The following PLEKHA7 variants were observed in gnomAD, a reference collection of about 807,000 sequenced individuals.
The protein encoded by PLEKHA7 is pleckstrin homology domain containing A7.
In PLEKHA7, 104 loss-of-function variants were observed where a neutral mutation model predicts 170.0. The observed-to-expected ratio is 0.61, with a 90% CI of 0.52 to 0.72. PLEKHA7 has a LOEUF of 0.72. Among genes scored for constraint, PLEKHA7 ranks in the 30% least tolerant of loss-of-function variants. The probability of loss-of-function intolerance (pLI) is 0.00; values close to 1 mark genes in which losing one functional copy is unlikely to be tolerated. For missense variants in PLEKHA7, 1,615 were observed against 1,671.7 expected (o/e 0.97, Z 0.59); for synonymous variants, 648 against 660.8 (o/e 0.98, Z 0.30).
Position 17,014,021 on chromosome 11 carries a change from G to C in PLEKHA7, c.189C>G (p.Gly63=). 1 of 1,552,204 alleles carries C rather than the reference G, an allele frequency of 6.4e-7. No homozygotes were observed. Among genetic ancestry groups the C allele is most frequent in the Non-Finnish European group, 8.7e-7 (1 of 1,148,766 alleles). Residue 63 remains glycine, a synonymous_variant, in exon 3 of 27, where the codon GGC becomes GGG. Coordinates refer to ENST00000531066, the MANE Select transcript of PLEKHA7 (RefSeq NM_001329630.2). ...AGTAGCTGGCGCCCTCCTCCGTGAA[G>C]CCCTCCTCCCAGCCGCGGGGCAGGT... ...RSDLPRGWEE[G]FTEEGASYFI... is the part of the protein sequence containing the mutation.
In PLEKHA7 at chr11:16,791,032, C is replaced by A; in HGVS notation, c.2913G>T (p.Gln971His). 1 of 1,614,158 alleles carries A rather than the reference C, an allele frequency of 6.2e-7. No homozygotes were observed. The highest frequency in any genetic ancestry group is 1.3e-5 in the African/African-American group (1 of 75,048). The part of the protein sequence containing the change: ...DERKRDRELG[Q>H]CVNGDSRVEL... ...TCACCCTGGAATCCCCATTCACACA[C>A]TGCCCCAGCTCCCGGTCTCGCTTCC... is the stretch of plus-strand genomic sequence containing the variant. Residue 971 changes from glutamine to histidine, a missense_variant, in exon 20 of 27, where the codon CAG becomes CAT. Physicochemically the swap from Gln to His is conservative, Grantham distance 24 (BLOSUM62 0). Coordinates refer to ENST00000531066, the MANE Select transcript of PLEKHA7 (RefSeq NM_001329630.2). This position sits in a 1 kb window ranked among gnomAD's most constrained non-coding sequence, Gnocchi z 4.5.
intron 8 of PLEKHA7, among the ~76,000 whole-genome samples, chr11:16,846,340 A>G (rs1228706606): frequency 1.3e-5 from 2 of 151,882 alleles, no homozygotes; most frequent in Admixed American, 6.6e-5. Flanking sequence ...GAGAAGAGAA[A>G]AGAAACGAAA....
chr11:16,890,422 T>C (rs1042091399), intron 3 of PLEKHA7, among the ~76,000 whole-genome samples: 1 of 152,124 alleles, frequency 6.6e-6, no homozygotes, highest in Non-Finnish European at 1.5e-5. Context: ...GATAAAGACA[T>C]TTACAAAGTA....
In PLEKHA7 at chr11:16,782,979, G is replaced by A. The variant is rs192557948; in HGVS notation, c.3651-83C>T. 1.4e-5 allele frequency: 20 copies of A among 1,415,696 alleles called. No individual in the cohort carries two copies. In the East Asian group the frequency reaches 4.3e-4, roughly 30 times the overall value. The allele number at this position is 1,415,696 out of a possible 1,614,324, so 87.7% of individuals were successfully genotyped here. ...AGTGGAGGGTCTCCCTGGCCTAGAG[G>A]TTCTCAACATTTTGAGGGGGATCAG... is the stretch of plus-strand genomic sequence containing the variant. On this transcript the variant is annotated intron_variant, in intron 25 of 26. Coordinates refer to ENST00000531066, the MANE Select transcript of PLEKHA7 (RefSeq NM_001329630.2).
rs1490006210 is a variant in PLEKHA7 at position 16,816,289 on chromosome 11, A to G, written c.1867-25T>C. 2 of 1,578,236 alleles carry G rather than the reference A, an allele frequency of 1.3e-6. 1 individual carries two copies. The highest frequency in any genetic ancestry group is 3.3e-5 in the Admixed American group (2 of 59,914). On this transcript the variant is annotated intron_variant, in intron 11 of 26. Coordinates refer to ENST00000531066, the MANE Select transcript of PLEKHA7 (RefSeq NM_001329630.2). ...TCTGCAAGTGGGGAGACAAGAAGTC[A>G]CACTGGAGCCCAAACCTCTGCCACT...
intron 8 of PLEKHA7, among the ~76,000 whole-genome samples, chr11:16,843,685 A>C (rs1852153466): frequency 6.6e-6 from 1 of 152,244 alleles, no homozygotes; most frequent in Admixed American, 6.5e-5. Context: ...CACACCTGTA[A>C]TCCCAGCACT....
chr11:16,853,478 A>C (rs1554950654), intron 6 of PLEKHA7, among the ~76,000 whole-genome samples: 1 of 152,148 alleles, frequency 6.6e-6, no homozygotes, highest in Non-Finnish European at 1.5e-5. Context: ...TTCAAATATC[A>C]CTTCCTCCGG....
At chr11:16,782,126 T>G (rs190646203) in intron 26 of PLEKHA7, among the ~76,000 whole-genome samples, 9 of 148,978 alleles carry the variant, frequency 6.0e-5, no homozygotes, top group African/African-American at 1.2e-4. Flanking sequence ...CAGACACACA[T>G]ACACACACAC....
chr11:16,839,427 T>C (rs1002286864), intron 9 of PLEKHA7, among the ~76,000 whole-genome samples: 3 of 149,404 alleles, frequency 2.0e-5, no homozygotes, highest in Non-Finnish European at 4.4e-5. Context: ...TAAATATACA[T>C]TTAATATATA....
At chr11:16,971,355 C>T (rs1862699834) in intron 3 of PLEKHA7, among the ~76,000 whole-genome samples, 1 of 152,212 alleles carries the variant, frequency 6.6e-6, no homozygotes, top group African/African-American at 2.4e-5. Context: ...TAATATTTCA[C>T]AGCACCATTT....
intron 13 of PLEKHA7, among the ~76,000 whole-genome samples, chr11:16,805,287 G>A (rs763192808): frequency 8.5e-5 from 13 of 152,240 alleles, no homozygotes; most frequent in South Asian, 6.2e-4. Flanking sequence ...GCACCATCAG[G>A]AAAAGAATGA....
At chr11:16,839,258 ATATTTC>A (rs1851771302) in intron 9 of PLEKHA7, among the ~76,000 whole-genome samples, 1 of 152,070 alleles carries the variant, frequency 6.6e-6, no homozygotes, top group African/African-American at 2.4e-5. Flanking sequence ...AGAATCCTAT[ATATTTC>A]TATAAGTCCA....
At chr11:16,904,296 A>C (rs1050141977) in intron 3 of PLEKHA7, among the ~76,000 whole-genome samples, 4 of 152,118 alleles carry the variant, frequency 2.6e-5, no homozygotes, top group Non-Finnish European at 1.5e-5. Context: ...CTCCAAACAG[A>C]TTTTTTTCAG....
chr11:16,984,134 A>G (rs534439695), intron 3 of PLEKHA7, among the ~76,000 whole-genome samples: 1 of 152,150 alleles, frequency 6.6e-6, no homozygotes, highest in Non-Finnish European at 1.5e-5. Context: ...CTTATTTCAT[A>G]CCAGGTACTG....
At chr11:16,864,512 C>T (rs1264746096) in intron 4 of PLEKHA7, among the ~76,000 whole-genome samples, 1 of 152,180 alleles carries the variant, frequency 6.6e-6, no homozygotes, top group Non-Finnish European at 1.5e-5. Context: ...TGTGTTCCCA[C>T]CCAAATTTCA....
intron 4 of PLEKHA7, among the ~76,000 whole-genome samples, chr11:16,856,348 A>G (rs980723166): frequency 2.6e-5 from 4 of 152,216 alleles, no homozygotes; most frequent in African/African-American, 9.6e-5. Context: ...ATTAGTAACA[A>G]GAAATCACTT....
chr11:16,956,535 G>C (rs1861713261), intron 3 of PLEKHA7, among the ~76,000 whole-genome samples: 1 of 152,170 alleles, frequency 6.6e-6, no homozygotes, highest in Non-Finnish European at 1.5e-5. Flanking sequence ...TCTCTCTACT[G>C]ATTAACAGAA....
At chr11:16,784,974 C>T (rs186503133) in intron 24 of PLEKHA7, among the ~76,000 whole-genome samples, 25 of 152,304 alleles carry the variant, frequency 1.6e-4, no homozygotes, top group Middle Eastern at 3.4e-3. Context: ...AATCTGAGAA[C>T]GCACAGACCT....
At chr11:16,918,587 G>T (rs7394448) in intron 3 of PLEKHA7, among the ~76,000 whole-genome samples, 138,319 of 152,268 alleles carry the variant, frequency 0.91, 63,335 homozygotes, top group Middle Eastern at 0.97. Context: ...GCAAGTAGTA[G>T]GTTTTCACTA....
Sources: gnomAD v4.1 joint callset for allele counts (sites outside exome capture counted in the v4.1 genomes callset) on GRCh38, gnomAD v4.1.1 for gene constraint, Gnocchi (gnomAD v3.1) non-coding constraint, MANE v1.5 for transcripts, NCBI Gene and HGNC (gene_info 2026-07-23, HGNC 2026-07-21) for gene names.